VDR: variants seen among roughly 807,000 people sequenced by gnomAD.
VDR encodes the protein vitamin D3 receptor.
Under a neutral mutation model 39.7 loss-of-function variants are expected in VDR, and 19 were observed. The ratio of observed to expected loss-of-function variants is 0.48; its 90% CI spans 0.33 to 0.70. The LOEUF is 0.70. Among genes scored for constraint, VDR ranks in the 30% least tolerant of loss-of-function variants. The probability of loss-of-function intolerance (pLI) is 0.02; values close to 1 mark genes in which losing one functional copy is unlikely to be tolerated. For missense variants in VDR, 442 were observed against 570.5 expected (o/e 0.77, Z 2.29); for synonymous variants, 242 against 215.8 (o/e 1.12, Z -1.07).
At chr12:47,883,262 G>C (rs1252762961) in intron 1 of VDR, among the ~76,000 whole-genome samples, 1 of 152,216 alleles carries the variant, frequency 6.6e-6, no homozygotes. Context: ...GTGCCGCACA[G>C]GAGCTGGGAA....
intron 7 of VDR, among the ~76,000 whole-genome samples, chr12:47,851,302 T>G (rs1945383147): frequency 6.6e-6 from 1 of 152,174 alleles, no homozygotes; most frequent in Admixed American, 6.5e-5. Context: ...GCATTTCATT[T>G]GCAGTGCCAG....
intron 3 of VDR, among the ~76,000 whole-genome samples, chr12:47,872,100 C>T (rs1489008448): frequency 6.6e-6 from 1 of 152,224 alleles, no homozygotes; most frequent in Non-Finnish European, 1.5e-5. Context: ...TATGACGTTA[C>T]ATTTAAAAAA....
Position 47,879,086 on chromosome 12 carries a change from G to A in VDR, c.28C>T (p.Leu10=). The change falls in exon 3 of 10, where the codon CTG becomes TTG. Residue 10 remains leucine (L), a synonymous_variant. Transcript: ENST00000549336. MEAMAASTS[L]PDPGDFDRNV... ...CGGTCAAAGTCTCCAGGGTCAGGCA[G>A]GGAAGTGCTGGCCGCCATTGCCTCC... 1.2e-6 allele frequency: 2 copies of A among 1,614,058 alleles called. No individual in the cohort carries two copies. The highest frequency in any genetic ancestry group is 8.5e-7 in the Non-Finnish European group (1 of 1,179,964).
At chr12:47,898,480 T>C (rs540374687) in intron 1 of VDR, 1 of 152,470 alleles carries the variant, frequency 6.6e-6, no homozygotes, top group African/African-American at 2.4e-5. Context: ...TAGAATTCCA[T>C]GGGAGGCAGC....
intron 7 of VDR, among the ~76,000 whole-genome samples, chr12:47,854,770 G>A (rs1945449639): frequency 1.3e-5 from 2 of 152,268 alleles, no homozygotes; most frequent in South Asian, 4.1e-4. Flanking sequence ...TGCGGGGATG[G>A]ACTAGCTCTC....
At chr12:47,879,761 T>C (rs1339791099) in intron 2 of VDR, among the ~76,000 whole-genome samples, 3 of 151,492 alleles carry the variant, frequency 2.0e-5, no homozygotes, top group East Asian at 1.9e-4. Context: ...TCAAGATATT[T>C]CCCCCCCCTT....
chr12:47,904,601 A>T, intron 1 of VDR: 1 of 1,535,962 alleles, frequency 6.5e-7, no homozygotes, highest in Non-Finnish European at 8.7e-7. Flanking sequence ...TCGACAGCCA[A>T]TCGCTCCTTT....
At chr12:47,854,747 A>G (rs568989669) in intron 7 of VDR, among the ~76,000 whole-genome samples, 80 of 152,366 alleles carry the variant, frequency 5.3e-4, no homozygotes, top group African/African-American at 1.8e-3. Context: ...CTTCCACACC[A>G]TCATCCAGAA....
chr12:47,882,087 C>T (rs1051772887), intron 2 of VDR, among the ~76,000 whole-genome samples: 1 of 152,170 alleles, frequency 6.6e-6, no homozygotes, highest in African/African-American at 2.4e-5. Context: ...ATGATGCAAG[C>T]GAGTGGAACA....
chr12:47,900,018 C>T (rs956396964), intron 1 of VDR: 2 of 903,278 alleles, frequency 2.2e-6, no homozygotes, highest in Non-Finnish European at 2.7e-6. Context: ...CCCCATTGGC[C>T]AATGGGACAA....
intron 6 of VDR, among the ~76,000 whole-genome samples, chr12:47,856,796 C>T (rs532131384): frequency 6.6e-6 from 1 of 152,046 alleles, no homozygotes; most frequent in East Asian, 1.9e-4. Flanking sequence ...TTCTGAAGGG[C>T]CCAGGATTAA....
At chr12:47,878,727 G>A in intron 3 of VDR, 1 of 654,500 alleles carries the variant, frequency 1.5e-6, no homozygotes, top group Non-Finnish European at 2.7e-6. Context: ...GAAAGACAGA[G>A]ACCCACACAG....
At chr12:47,891,497 G>A (rs1292962524) in intron 1 of VDR, among the ~76,000 whole-genome samples, 3 of 151,886 alleles carry the variant, frequency 2.0e-5, no homozygotes, top group African/African-American at 4.8e-5. Context: ...CCAAACAAAC[G>A]TTGCCCAGAA....
chr12:47,884,796 C>T (rs1376082622), intron 1 of VDR, among the ~76,000 whole-genome samples: 1 of 152,064 alleles, frequency 6.6e-6, no homozygotes, highest in East Asian at 1.9e-4. Flanking sequence ...CTTTTCCTTC[C>T]AAGGATCCCC....
intron 4 of VDR, among the ~76,000 whole-genome samples, chr12:47,860,152 G>C (rs1162900949): frequency 4.6e-5 from 7 of 151,954 alleles, no homozygotes; most frequent in Admixed American, 3.9e-4. Flanking sequence ...TTTTAGTAGA[G>C]ATGGGGTTTC....
chr12:47,863,164 A>G (rs1945659438), intron 4 of VDR, among the ~76,000 whole-genome samples: 1 of 152,076 alleles, frequency 6.6e-6, no homozygotes, highest in Admixed American at 6.5e-5. Flanking sequence ...GCTCTTCACC[A>G]TGGATGCAGC....
chr12:47,879,630 G>T (rs528681618), intron 2 of VDR, among the ~76,000 whole-genome samples: 1 of 152,256 alleles, frequency 6.6e-6, no homozygotes, highest in Admixed American at 6.5e-5. Context: ...CTCCTCTTGA[G>T]GGTGGGGGGA....
At chr12:47,904,071 TCAC>T (rs1946618608) in intron 1 of VDR, among the ~76,000 whole-genome samples, 1 of 150,498 alleles carries the variant, frequency 6.6e-6, no homozygotes, top group South Asian at 2.1e-4. Flanking sequence ...GCTGACTCAC[TCAC>T]CGCACGCATA....
chr12:47,864,835 C>T (rs1945695143), intron 4 of VDR, among the ~76,000 whole-genome samples: 1 of 152,242 alleles, frequency 6.6e-6, no homozygotes. Context: ...CACAGATCCT[C>T]AAGAGGTGCA....
Sources: gnomAD v4.1 joint callset for allele counts (sites outside exome capture counted in the v4.1 genomes callset) on GRCh38, gnomAD v4.1.1 for gene constraint, MANE v1.5 for transcripts, NCBI Gene and HGNC (gene_info 2026-07-23, HGNC 2026-07-21) for gene names.